PGLYRP4: variants seen among roughly 807,000 people sequenced by gnomAD.
The protein encoded by PGLYRP4 is PGRP-I-beta.
A neutral mutation model predicts 41.2 loss-of-function variants in PGLYRP4; 39 were observed. That is an observed-to-expected ratio of 0.95 (90% confidence interval 0.73 to 1.24). The LOEUF is 1.24. Ranked by LOEUF, PGLYRP4 falls within the 50% of genes most tolerant of loss-of-function variation. PGLYRP4 has a pLI of 0.00. For synonymous variants in PGLYRP4, 202 were observed against 186.8 expected (o/e 1.08, Z -0.66); for missense variants, 467 against 460.7 (o/e 1.01, Z -0.13).
At chr1:153,340,977 G>T (rs1660777925) in intron 6 of PGLYRP4, among the ~76,000 whole-genome samples, 1 of 152,148 alleles carries the variant, frequency 6.6e-6, no homozygotes, top group African/African-American at 2.4e-5. Context: ...TGATGTTGCT[G>T]CTTGTTAAAC....
intron 5 of PGLYRP4, among the ~76,000 whole-genome samples, chr1:153,342,011 C>T (rs1660824338): frequency 6.6e-6 from 1 of 152,176 alleles, no homozygotes; most frequent in Admixed American, 6.5e-5. Context: ...ACTTCACCTC[C>T]TCTCTCCATG....
Position 153,343,215 on chromosome 1 carries a change from A to T in PGLYRP4, c.354-7T>A. The T allele has an allele frequency of 6.3e-7, 1 of 1,590,566 alleles. No homozygotes were observed. The highest frequency in any genetic ancestry group is 8.6e-7 in the Non-Finnish European group (1 of 1,158,630). On this transcript the variant is annotated splice_region_variant and splice_polypyrimidine_tract_variant and intron_variant, in intron 4 of 8. Coordinates refer to ENST00000359650, the MANE Select transcript of PGLYRP4 (RefSeq NM_020393.4). ...ATCATCCCCAACCAGGAAGCTATGGAGCAAGATAATACAGGTTTCATGGCT... is the reference window on the plus strand; with the variant it reads ...ATCATCCCCAACCAGGAAGCTATGGTGCAAGATAATACAGGTTTCATGGCT...
intron 8 of PGLYRP4, chr1:153,331,647 T>C (rs1660339958): frequency 7.7e-6 from 1 of 129,146 alleles, no homozygotes; most frequent in African/African-American, 2.6e-5. Context: ...GGACATACAT[T>C]AAAATTGGAA....
intron 8 of PGLYRP4, among the ~76,000 whole-genome samples, chr1:153,334,451 AAT>A (rs1008319113): frequency 1.2e-5 from 1 of 85,254 alleles, no homozygotes; most frequent in Admixed American, 1.1e-4. Flanking sequence ...TGTGTGTATA[AAT>A]ATATATATAT....
chr1:153,330,520 G>T lies in PGLYRP4; in HGVS notation c.*247C>A. ...TGGCTGAGGAGTTGGGTTTCCAAGG[G>T]AGAGGAAGGTAAGGAGAGAAGAAAT... On this transcript the variant is annotated 3_prime_UTR_variant, in exon 9 of 9. Coordinates refer to ENST00000359650, the MANE Select transcript of PGLYRP4 (RefSeq NM_020393.4). 3.4e-6 allele frequency: 1 copy of T among 297,254 alleles called. No individual in the cohort carries two copies. Among genetic ancestry groups the T allele is most frequent in the East Asian group, 5.5e-5 (1 of 18,304 alleles). The allele number at this position is 297,254 out of a possible 1,614,324, so 18.4% of individuals were successfully genotyped here. A position where few individuals can be genotyped will look rare whatever the true frequency, so the allele number is the denominator to read the frequency against.
intron 5 of PGLYRP4, among the ~76,000 whole-genome samples, chr1:153,342,166 C>T (rs975770525): frequency 6.6e-6 from 1 of 152,212 alleles, no homozygotes; most frequent in Non-Finnish European, 1.5e-5. Flanking sequence ...CTGAGAGATG[C>T]TATTATTAAC....
At chr1:153,337,692 C>T (rs1011449389) in intron 7 of PGLYRP4, among the ~76,000 whole-genome samples, 1 of 152,204 alleles carries the variant, frequency 6.6e-6, no homozygotes, top group African/African-American at 2.4e-5. Flanking sequence ...AGGTAGCTCA[C>T]AGTCAATGAA....
At chr1:153,340,357 C>T in intron 7 of PGLYRP4, 24 bp downstream of exon 7, 1 of 1,604,820 alleles carries the variant, frequency 6.2e-7, no homozygotes, top group Non-Finnish European at 8.5e-7. Context: ...GGAAAAGAAG[C>T]CCAGTGTACC....
intron 8 of PGLYRP4, among the ~76,000 whole-genome samples, chr1:153,332,195 A>G (rs897900500): frequency 2.6e-5 from 4 of 152,084 alleles, no homozygotes; most frequent in African/African-American, 9.7e-5. Context: ...ACTTTAAGTC[A>G]AAACAGTTAA....
rs201537232 is a variant in PGLYRP4, at chr1:153,345,398, C to T, written c.140-16G>A. On this transcript the variant is annotated splice_polypyrimidine_tract_variant and intron_variant, in intron 3 of 8. Coordinates refer to ENST00000359650, the MANE Select transcript of PGLYRP4 (RefSeq NM_020393.4). ...GTGGGAAGGCCTTGGGGACGTCACTCAGCGCACCTGCCCCATCACTACCGC... is the reference window on the plus strand; with the variant it reads ...GTGGGAAGGCCTTGGGGACGTCACTTAGCGCACCTGCCCCATCACTACCGC... The T allele has an allele frequency of 1.3e-5, 21 of 1,608,538 alleles. No homozygotes were observed. The highest frequency in any genetic ancestry group is 2.6e-6 in the Non-Finnish European group (3 of 1,175,056).
intron 7 of PGLYRP4, among the ~76,000 whole-genome samples, chr1:153,340,014 T>C (rs922212309): frequency 1.3e-5 from 2 of 152,192 alleles, no homozygotes; most frequent in Non-Finnish European, 1.5e-5. Flanking sequence ...CCCCAGCCTC[T>C]GAGTAGGAGG....
intron 3 of PGLYRP4, among the ~76,000 whole-genome samples, chr1:153,345,620 TCTC>T (rs765772170): frequency 6.6e-5 from 10 of 152,090 alleles, no homozygotes; most frequent in South Asian, 2.1e-4. Flanking sequence ...CCCCTACTCA[TCTC>T]CTCCCCTGCT....
intron 4 of PGLYRP4, 56 bp downstream of exon 4, chr1:153,345,113 G>C: frequency 3.8e-6 from 5 of 1,331,748 alleles, no homozygotes; most frequent in Non-Finnish European, 5.3e-6. Flanking sequence ...GACAGGAGAA[G>C]CATCCCAGGG....
chr1:153,340,507 G>T lies in PGLYRP4; in HGVS notation c.698C>A (p.Ala233Glu), dbSNP rs138238733. 3 of 1,614,008 alleles carry T rather than the reference G, an allele frequency of 1.9e-6. No homozygotes were observed. The highest frequency in any genetic ancestry group is 1.3e-5 in the African/African-American group (1 of 74,896). Residue 233 changes from alanine (A) to glutamate (E), a missense_variant, in exon 7 of 9, where the codon GCG becomes GAG. By Grantham distance (107) the Ala-to-Glu change is moderately radical. Transcript: ENST00000359650. ...ETHCPRMTLP[A>E]KYGIIIHTAG... ...AGTGTGGATAATGATGCCATACTTCGCTGGGAGAGTCATCCTGGGACAGTG... is the reference window on the plus strand; with the variant it reads ...AGTGTGGATAATGATGCCATACTTCTCTGGGAGAGTCATCCTGGGACAGTG...
Position 153,341,673 on chromosome 1 carries a change from T to C in PGLYRP4, c.579A>G (p.Lys193=). 1 of 1,613,768 alleles carries C rather than the reference T, an allele frequency of 6.2e-7. No homozygotes were observed. Among genetic ancestry groups the C allele is most frequent in the Non-Finnish European group, 8.5e-7 (1 of 1,179,986 alleles). The change falls in exon 6 of 9, where the codon AAA becomes AAG. Residue 193 remains lysine, a synonymous_variant. Coordinates refer to ENST00000359650, the MANE Select transcript of PGLYRP4 (RefSeq NM_020393.4). Reference sequence around the variant, plus strand: ...GCCGAGGGGCCAGGCAGTTCTCGCCTTTCCCAAGAAGTGGCTGAACATAAC... The same window carrying C: ...GCCGAGGGGCCAGGCAGTTCTCGCCCTTCCCAAGAAGTGGCTGAACATAAC... ...SSSYVQPLLG[K]GENCLAPRQK...
Position 153,341,782 on chromosome 1 carries a change from A to G in PGLYRP4, c.473-3T>C. On this transcript the variant is annotated splice_polypyrimidine_tract_variant and splice_region_variant and intron_variant, in intron 5 of 8. Transcript: ENST00000359650. Reference sequence around the variant, plus strand: ...GGCAGCAGGGCTGGGACTGTGGCCTAGAAGAGAGAAATCTGTGGGAAACCT... The same window carrying G: ...GGCAGCAGGGCTGGGACTGTGGCCTGGAAGAGAGAAATCTGTGGGAAACCT... The G allele has an allele frequency of 6.2e-7, 1 of 1,606,560 alleles. No homozygotes were observed. Among genetic ancestry groups the G allele is most frequent in the Non-Finnish European group, 8.5e-7 (1 of 1,177,470 alleles).
chr1:153,337,416 C>A (rs1660614990), intron 7 of PGLYRP4, 117 bp from the exon 8 acceptor site: 9 of 655,804 alleles, frequency 1.4e-5, no homozygotes, highest in Non-Finnish European at 2.4e-5. Context: ...CTATTGGATT[C>A]TAAGCACTGG....
At chr1:153,344,407 C>T (rs546910311) in intron 4 of PGLYRP4, among the ~76,000 whole-genome samples, 127 of 152,302 alleles carry the variant, frequency 8.3e-4, no homozygotes, top group Non-Finnish European at 1.6e-3. Flanking sequence ...TGTGTACATG[C>T]GCTTTAGAAC....
chr1:153,336,568 A>C (rs1356267896), intron 8 of PGLYRP4, among the ~76,000 whole-genome samples: 7 of 152,138 alleles, frequency 4.6e-5, no homozygotes, highest in Non-Finnish European at 1.0e-4. Flanking sequence ...AATAGACATC[A>C]GAGACTTCAA....
Sources: gnomAD v4.1 joint callset for allele counts (sites outside exome capture counted in the v4.1 genomes callset) on GRCh38, gnomAD v4.1.1 for gene constraint, MANE v1.5 for transcripts, NCBI Gene and HGNC (gene_info 2026-07-23, HGNC 2026-07-21) for gene names.